The following EXT1 variants were observed in gnomAD, a reference collection of about 807,000 sequenced individuals.
EXT1 encodes the protein exostosin-1.
In EXT1, 20 loss-of-function variants were observed where a neutral mutation model predicts 82.5. The observed-to-expected ratio is 0.24, with a 90% CI of 0.17 to 0.35. EXT1 has a LOEUF of 0.35. Among genes scored for constraint, EXT1 ranks in the 10% least tolerant of loss-of-function variants. EXT1 has a pLI of 1.00. For missense variants in EXT1, 757 were observed against 936.5 expected (o/e 0.81, Z 2.50); for synonymous variants, 348 against 350.8 (o/e 0.99, Z 0.09).
intron 1 of EXT1, among the ~76,000 whole-genome samples, chr8:117,871,062 G>GC (rs1380932227): frequency 6.6e-6 from 1 of 152,158 alleles, no homozygotes; most frequent in Non-Finnish European, 1.5e-5. Context: ...CAAGTCCTGA[G>GC]CACAATCTTT....
At chr8:117,809,963 G>A (rs1379538357) in intron 8 of EXT1, among the ~76,000 whole-genome samples, 1 of 152,110 alleles carries the variant, frequency 6.6e-6, no homozygotes, top group Non-Finnish European at 1.5e-5. Context: ...TGTTCTCATC[G>A]CATGAATTTC....
intron 4 of EXT1, among the ~76,000 whole-genome samples, chr8:117,829,613 G>C (rs994899013): frequency 2.9e-4 from 22 of 74,992 alleles, no homozygotes; most frequent in African/African-American, 9.3e-4. Flanking sequence ...TGCTCTTGTT[G>C]CCCAGGCTGG....
chr8:118,019,201 C>A (rs1390681162), intron 1 of EXT1, among the ~76,000 whole-genome samples: 7 of 151,444 alleles, frequency 4.6e-5, no homozygotes, highest in Admixed American at 3.3e-4. Flanking sequence ...AACTTTGATT[C>A]TTTTCCCCTT....
At position 118,055,660 on chromosome 8, in the gene EXT1, C is replaced by G. The variant is rs942927047; in HGVS notation, c.962+54425G>C. ...ATTTGGACCCATCCCTTGATAATAA[C>G]TAAGTCTAATTTCAGTTTCCTTATG... On this transcript the variant is annotated intron_variant, in intron 1 of 10. Coordinates refer to ENST00000378204, the MANE Select transcript of EXT1 (RefSeq NM_000127.3). 5.1e-4 allele frequency among the ~76,000 whole-genome samples: 78 copies of G among 152,252 alleles called. 1 individual carries two copies. Among genetic ancestry groups the G allele is most frequent in the African/African-American group, 1.8e-3 (75 of 41,518 alleles).
intron 6 of EXT1, among the ~76,000 whole-genome samples, chr8:117,819,014 TG>T (rs1484727748): frequency 6.6e-6 from 1 of 152,252 alleles, no homozygotes; most frequent in Non-Finnish European, 1.5e-5. Context: ...GCTCATGTTT[TG>T]CATGCTCTAG....
Position 118,111,311 on chromosome 8 carries a change from C to T in EXT1, c.-265G>A, listed in dbSNP as rs1817899361. ...GGGGCTGAATATCTCGCACCCAGGG[C>T]GGGCGAGCAGCGGACTGTAATTTTC... On this transcript the variant is annotated 5_prime_UTR_variant, in exon 1 of 11. Coordinates refer to ENST00000378204, the MANE Select transcript of EXT1 (RefSeq NM_000127.3). The T allele has an allele frequency of 1.7e-6, 1 of 601,778 alleles. No individual in the cohort carries two copies. The highest frequency in any genetic ancestry group is 2.9e-6 in the Non-Finnish European group (1 of 340,012). 37.3% of individuals were successfully genotyped at this position (601,778 alleles called of 1,614,324 possible).
At chr8:117,922,984 G>A (rs1372022055) in intron 1 of EXT1, among the ~76,000 whole-genome samples, 1 of 151,978 alleles carries the variant, frequency 6.6e-6, no homozygotes, top group Non-Finnish European at 1.5e-5. Context: ...GATATAAGAA[G>A]CAGGAGGATG....
chr8:117,961,526 G>A (rs533828466), intron 1 of EXT1, among the ~76,000 whole-genome samples: 2 of 152,326 alleles, frequency 1.3e-5, no homozygotes, highest in South Asian at 4.1e-4. Context: ...TAGGGGATAA[G>A]TTGACATTTT....
intron 1 of EXT1, among the ~76,000 whole-genome samples, chr8:117,921,051 G>A (rs1397547387): frequency 3.3e-5 from 5 of 152,104 alleles, no homozygotes; most frequent in East Asian, 1.9e-4. Flanking sequence ...GTTTTGCATC[G>A]AAAGGGTGGT....
intron 1 of EXT1, among the ~76,000 whole-genome samples, chr8:118,095,965 C>T (rs1041575482): frequency 2.0e-5 from 3 of 152,162 alleles, no homozygotes; most frequent in African/African-American, 7.2e-5. Context: ...TGCTTTTCCC[C>T]GCTTTGCCTT....
At chr8:118,100,135 C>T (rs1263105061) in intron 1 of EXT1, among the ~76,000 whole-genome samples, 1 of 152,176 alleles carries the variant, frequency 6.6e-6, no homozygotes, top group East Asian at 1.9e-4. Context: ...CGAGAGAATT[C>T]AGGAAAGACT....
chr8:117,942,756 CA>C (rs1308686010), intron 1 of EXT1, among the ~76,000 whole-genome samples: 1 of 152,094 alleles, frequency 6.6e-6, no homozygotes, highest in East Asian at 1.9e-4. Context: ...CTCAAATATC[CA>C]ACAAGTTCTG....
chr8:118,049,207 C>T (rs962843554), intron 1 of EXT1, among the ~76,000 whole-genome samples: 2 of 152,108 alleles, frequency 1.3e-5, no homozygotes, highest in African/African-American at 4.8e-5. Flanking sequence ...ATTAAAAAGG[C>T]AAATGGGCAT....
At chr8:117,960,453 A>C (rs2129715756) in intron 1 of EXT1, among the ~76,000 whole-genome samples, 1 of 152,272 alleles carries the variant, frequency 6.6e-6, no homozygotes. Context: ...TATTTATCTA[A>C]GCCAAACACA....
intron 1 of EXT1, among the ~76,000 whole-genome samples, chr8:117,897,752 G>A (rs1161546292): frequency 2.0e-5 from 3 of 151,572 alleles, no homozygotes; most frequent in African/African-American, 7.3e-5. Flanking sequence ...GTACAACCAC[G>A]CCCAGCTAAT....
chr8:118,083,350 C>T (rs972952583), intron 1 of EXT1, among the ~76,000 whole-genome samples: 3 of 152,218 alleles, frequency 2.0e-5, no homozygotes, highest in Admixed American at 6.5e-5. Context: ...CTATTTAATA[C>T]TCTCCATCGA....
At position 118,014,865 on chromosome 8, in the gene EXT1, A is replaced by T. The variant is rs570452187; in HGVS notation, c.962+95220T>A. 9.9e-5 allele frequency among the ~76,000 whole-genome samples: 15 copies of T among 152,266 alleles called. 1 individual carries two copies. In the South Asian group the frequency reaches 3.1e-3, roughly 32 times the overall value. On this transcript the variant is annotated intron_variant, in intron 1 of 10. Coordinates refer to ENST00000378204, the MANE Select transcript of EXT1 (RefSeq NM_000127.3). ...CAGACTCACCTTCCCCAAAGTTAAC[A>T]TTAATATTCTGCAAGGGATGGGAAC...
intron 1 of EXT1, among the ~76,000 whole-genome samples, chr8:117,953,715 C>T (rs1443370315): frequency 1.3e-5 from 2 of 151,932 alleles, no homozygotes; most frequent in African/African-American, 4.8e-5. Context: ...TCTTATAAAA[C>T]CAATATATTA....
intron 1 of EXT1, among the ~76,000 whole-genome samples, chr8:118,076,291 AT>A (rs1364033569): frequency 6.6e-6 from 1 of 152,190 alleles, no homozygotes. Context: ...GGAAAAGGGG[AT>A]TGTGTCAACA....
Sources: gnomAD v4.1 joint callset for allele counts (sites outside exome capture counted in the v4.1 genomes callset) on GRCh38, gnomAD v4.1.1 for gene constraint, MANE v1.5 for transcripts, NCBI Gene and HGNC (gene_info 2026-07-23, HGNC 2026-07-21) for gene names.